Variants in C9orf85 observed in about 807,000 individuals in gnomAD.
C9orf85 encodes the protein uncharacterized protein C9orf85.
A neutral mutation model predicts 14.9 loss-of-function variants in C9orf85; 16 were observed. The observed-to-expected ratio is 1.08, with a 90% CI of 0.73 to 1.63. C9orf85 has a LOEUF of 1.63. Ranked by LOEUF, C9orf85 falls within the 40% of genes most tolerant of loss-of-function variation. The pLI, the probability that C9orf85 is intolerant of heterozygous loss-of-function variation, is 0.00. For synonymous variants in C9orf85, 45 were observed against 56.8 expected (o/e 0.79, Z 0.93); for missense variants, 172 against 186.1 (o/e 0.92, Z 0.44).
intron 2 of C9orf85, among the ~76,000 whole-genome samples, chr9:71,952,406 C>T (rs1333657015): frequency 1.3e-5 from 2 of 152,060 alleles, no homozygotes; most frequent in Non-Finnish European, 2.9e-5. Context: ...GCTCTGTCGC[C>T]CAGGCTGTAG....
At chr9:71,913,671 G>T (rs1304497537) in intron 1 of C9orf85, among the ~76,000 whole-genome samples, 2 of 152,114 alleles carry the variant, frequency 1.3e-5, no homozygotes, top group East Asian at 3.9e-4. Context: ...CTTACCCTAA[G>T]GTTGTGCACA....
At chr9:71,930,093 T>C (rs1263975653) in intron 1 of C9orf85, among the ~76,000 whole-genome samples, 1 of 151,940 alleles carries the variant, frequency 6.6e-6, no homozygotes, top group Admixed American at 6.6e-5. Flanking sequence ...AAAAATTATT[T>C]AGTTTGCTAT....
intron 1 of C9orf85, chr9:71,918,288 G>A: frequency 2.4e-6 from 1 of 408,740 alleles, no homozygotes; most frequent in South Asian, 2.2e-5. Flanking sequence ...AATTATATTA[G>A]TGTTCCTATT....
chr9:71,940,946 A>C (rs1006110740), intron 1 of C9orf85, among the ~76,000 whole-genome samples: 3 of 152,228 alleles, frequency 2.0e-5, no homozygotes, highest in Non-Finnish European at 4.4e-5. Flanking sequence ...TGGAAAAGGC[A>C]AAACTGTAGG....
At chr9:71,911,919 G>C in intron 1 of C9orf85, 83 bp downstream of exon 1, 1 of 1,274,634 alleles carries the variant, frequency 7.8e-7, no homozygotes, top group Non-Finnish European at 1.1e-6. Context: ...GAGAGGAGTC[G>C]GCTGGGGCGA....
intron 1 of C9orf85, among the ~76,000 whole-genome samples, chr9:71,931,338 TATATC>T (rs1179269454): frequency 1.3e-5 from 2 of 152,208 alleles, no homozygotes; most frequent in Non-Finnish European, 2.9e-5. Context: ...GCTAGACTAA[TATATC>T]AGATATCTGA....
chr9:71,926,171 A>G (rs192130642), intron 1 of C9orf85, among the ~76,000 whole-genome samples: 5 of 152,338 alleles, frequency 3.3e-5, no homozygotes, highest in African/African-American at 7.2e-5. Context: ...GTGATTCCCA[A>G]TTCTGCTTTA....
At chr9:71,925,470 GA>G (rs1395066170) in intron 1 of C9orf85, among the ~76,000 whole-genome samples, 1 of 152,126 alleles carries the variant, frequency 6.6e-6, no homozygotes, top group Admixed American at 6.5e-5. Context: ...GAAAAAGAAA[GA>G]AAAAAAGAAC....
chr9:71,960,913 G>GTTT (rs111315320), intron 2 of C9orf85, among the ~76,000 whole-genome samples: 52 of 124,598 alleles, frequency 4.2e-4, no homozygotes, highest in African/African-American at 1.3e-3. Flanking sequence ...GTTCCAAATT[G>GTTT]TTTTTTTTTT....
At chr9:71,945,040 C>G (rs1822049120) in intron 1 of C9orf85, among the ~76,000 whole-genome samples, 1 of 152,022 alleles carries the variant, frequency 6.6e-6, no homozygotes, top group African/African-American at 2.4e-5. Context: ...AACAAGGAAC[C>G]AAAGAATGCT....
chr9:71,978,924 A>G (rs976388071), intron 3 of C9orf85, among the ~76,000 whole-genome samples: 12 of 152,146 alleles, frequency 7.9e-5, no homozygotes, highest in African/African-American at 1.2e-4. Flanking sequence ...AGTCCCAGCT[A>G]CTTGGGAGGC....
chr9:71,935,297 G>C (rs1018281761), intron 1 of C9orf85, among the ~76,000 whole-genome samples: 1 of 152,112 alleles, frequency 6.6e-6, no homozygotes, highest in East Asian at 1.9e-4. Context: ...GGGTCTTAGA[G>C]ATATTTGTAC....
intron 1 of C9orf85, among the ~76,000 whole-genome samples, chr9:71,939,100 T>G (rs1828268217): frequency 6.6e-6 from 1 of 151,748 alleles, no homozygotes; most frequent in Non-Finnish European, 1.5e-5. Flanking sequence ...TTTGAATATT[T>G]ATATGTAAAG....
chr9:71,967,179 A>T (rs1401512386), intron 2 of C9orf85, among the ~76,000 whole-genome samples: 1 of 152,176 alleles, frequency 6.6e-6, no homozygotes, highest in Non-Finnish European at 1.5e-5. Flanking sequence ...TTCTTCTTCT[A>T]GAAGTTGTAT....
rs530587500 is a variant in C9orf85 at position 71,936,931 on chromosome 9, A to AT, written c.103-10067dup. Among the ~76,000 whole-genome samples the AT allele has an allele frequency of 3.5e-3, 523 of 151,554 alleles. 1 individual carries two copies. The highest frequency in any genetic ancestry group is 0.012 in the African/African-American group (496 of 41,322). On this transcript the variant is annotated intron_variant, in intron 1 of 3. Transcript: ENST00000334731. ...GCACCACCTTGCCTGGCTAATTTTCATTTTTTTTGTAGAAACGGGATCTCC... is the reference window on the plus strand; with the variant it reads ...GCACCACCTTGCCTGGCTAATTTTCATTTTTTTTTGTAGAAACGGGATCTCC...
chr9:71,930,396 G>C (rs557482399), intron 1 of C9orf85, among the ~76,000 whole-genome samples: 1 of 152,050 alleles, frequency 6.6e-6, no homozygotes, highest in African/African-American at 2.4e-5. Flanking sequence ...TAATGTTCCA[G>C]GTTCTCTATT....
chr9:71,947,196 C>A lies in C9orf85; in HGVS notation c.209+84C>A, dbSNP rs372829192. On this transcript the variant is annotated intron_variant, in intron 2 of 3. Transcript: ENST00000334731. Reference sequence around the variant, plus strand: ...CATTTCCTGATTTTCAAAATTGTGTCCAAATAAATGTTAAAGTAAATGATG... The same window carrying A: ...CATTTCCTGATTTTCAAAATTGTGTACAAATAAATGTTAAAGTAAATGATG... 1.5e-4 allele frequency: 136 copies of A among 882,924 alleles called. 3 individuals are homozygous for A. In the South Asian group the frequency reaches 2.7e-3, roughly 18 times the overall value. 54.7% of individuals were successfully genotyped at this position (882,924 alleles called of 1,614,324 possible).
chr9:71,958,813 CTT>C (rs961173371), intron 2 of C9orf85, among the ~76,000 whole-genome samples: 1 of 152,136 alleles, frequency 6.6e-6, no homozygotes, highest in African/African-American at 2.4e-5. Flanking sequence ...AACCAGGCCA[CTT>C]TTGCTGGCCA....
intron 1 of C9orf85, among the ~76,000 whole-genome samples, chr9:71,933,190 C>A (rs777312127): frequency 6.6e-6 from 1 of 152,070 alleles, no homozygotes; most frequent in Non-Finnish European, 1.5e-5. Flanking sequence ...GAGAAAGTGG[C>A]GGAATATTTG....
Sources: gnomAD v4.1 joint callset for allele counts (sites outside exome capture counted in the v4.1 genomes callset) on GRCh38, gnomAD v4.1.1 for gene constraint, MANE v1.5 for transcripts, NCBI Gene and HGNC (gene_info 2026-07-23, HGNC 2026-07-21) for gene names.